ERVK3-1: variants seen among roughly 807,000 people sequenced by gnomAD.
The protein encoded by ERVK3-1 is endogenous retrovirus group K3 member 1.
Position 58,310,117 on chromosome 19 carries a change from A to G in ERVK3-1, c.-3-2049A>G, listed in dbSNP as rs1174872901. The G allele has an allele frequency of 1.3e-5, 2 of 152,218 alleles. No homozygotes were observed. Among genetic ancestry groups the G allele is most frequent in the Admixed American group, 1.3e-4 (2 of 15,278 alleles). The allele number at this position is 152,218 out of a possible 1,614,324, so 9.4% of individuals were successfully genotyped here. ...ATATACTTAAATAATAAAGACCCCT[A>G]GAGTTTCAGCTCAACACTCTGAATT... On this transcript the variant is annotated intron_variant, in intron 2 of 3. Coordinates refer to ENST00000413518, the Ensembl canonical transcript of ERVK3-1. The surrounding 1 kb of genome is among the most constrained non-coding windows in gnomAD (Gnocchi z 4.7).
rs1435599794 is a variant in ERVK3-1 at position 58,312,595 on chromosome 19, CT to C, written c.294+134del. On this transcript the variant is annotated intron_variant, in intron 3 of 3. Coordinates refer to ENST00000413518, the Ensembl canonical transcript of ERVK3-1. This position sits in a 1 kb window ranked among gnomAD's most constrained non-coding sequence, Gnocchi z 4.7. ...TCAGGGAGCGTGGGCACCAGGACCC[CT>C]AACTCCGTCTGACACAGAGCAATAG... 2.5e-5 allele frequency: 10 copies of C among 398,244 alleles called. No homozygotes were observed. Among genetic ancestry groups the C allele is most frequent in the African/African-American group, 1.6e-4 (8 of 48,592 alleles). 24.7% of individuals were successfully genotyped at this position (398,244 alleles called of 1,614,324 possible).
intron 1 of ERVK3-1, 138 bp from the exon 2 acceptor site, chr19:58,305,950 C>G (rs2051520226): frequency 6.6e-6 from 1 of 152,206 alleles, no homozygotes; most frequent in East Asian, 1.9e-4. Context: ...CCTATTCAGT[C>G]TACCTAACAA....
At chr19:58,316,411 T>A (rs1225416354), downstream of ERVK3-1, among the ~76,000 whole-genome samples, 1 of 152,178 alleles carries the variant, frequency 6.6e-6, no homozygotes, top group Non-Finnish European at 1.5e-5. Context: ...GCGCAGTGGC[T>A]CATGCCTGTA....
chr19:58,305,561 A>G (rs534176634), intron 1 of ERVK3-1, 116 bp downstream of exon 1: 1 of 151,510 alleles, frequency 6.6e-6, no homozygotes, highest in South Asian at 2.1e-4. Context: ...TGTGAGGGGA[A>G]CGCGACCCCG....
intron 3 of ERVK3-1, among the ~76,000 whole-genome samples, chr19:58,314,281 A>G (rs184030038): frequency 5.3e-5 from 8 of 152,306 alleles, no homozygotes; most frequent in African/African-American, 1.9e-4. Context: ...AGCAAACTCA[A>G]AAATAACAGC....
chr19:58,314,935 T>C, exon 4 of ERVK3-1: 5 of 393,474 alleles, frequency 1.3e-5, no homozygotes, highest in Non-Finnish European at 2.2e-5. Context: ...AAGCAGGATG[T>C]TGGCGAACTG....
intron 2 of ERVK3-1, chr19:58,309,067 C>T (rs181499166): frequency 6.6e-6 from 1 of 152,286 alleles, no homozygotes; most frequent in Admixed American, 6.5e-5. Context: ...CCTCAATTCG[C>T]CTTCTCTGTG....
intron 2 of ERVK3-1, chr19:58,306,572 T>C (rs555486118): frequency 6.6e-6 from 1 of 152,388 alleles, no homozygotes; most frequent in African/African-American, 2.4e-5. Context: ...CAGCAGGTGC[T>C]ATGTTCTGAA....
At position 58,314,731 on chromosome 19, in the gene ERVK3-1, T is replaced by C. The variant is rs760488589; in HGVS notation, c.295-17T>C. On this transcript the variant is annotated splice_polypyrimidine_tract_variant and intron_variant, in intron 3 of 3. Transcript: ENST00000413518. ...TACAAGAATAATGTTGTTATGTCTC[T>C]GTTTTTTTGCTCATAGTCTATAGGA... 5 of 399,948 alleles carry C rather than the reference T, an allele frequency of 1.3e-5. No homozygotes were observed. Among genetic ancestry groups the C allele is most frequent in the Non-Finnish European group, 1.8e-5 (4 of 226,028 alleles). 24.8% of individuals were successfully genotyped at this position (399,948 alleles called of 1,614,324 possible).
intron 2 of ERVK3-1, among the ~76,000 whole-genome samples, chr19:58,308,262 G>C (rs1046596841): frequency 6.6e-6 from 1 of 152,228 alleles, no homozygotes; most frequent in Admixed American, 6.5e-5. Flanking sequence ...CACCTGTGCA[G>C]TGCAAATTAA....
rs2147969897 is a variant in ERVK3-1 at position 58,310,303 on chromosome 19, GCGA to G, written c.-3-1859_-3-1857del. 1 of 154,608 alleles carries G rather than the reference GCGA, an allele frequency of 6.5e-6. No individual in the cohort carries two copies. Among genetic ancestry groups the G allele is most frequent in the Admixed American group, 6.5e-5 (1 of 15,362 alleles). 9.6% of individuals were successfully genotyped at this position (154,608 alleles called of 1,614,324 possible). ...GTCGGTGGGTCTCTCCCTGTGTGCGGCGACGAGAGAGTGTAGAAATAAAGACAC... is the reference window on the plus strand; with the variant it reads ...GTCGGTGGGTCTCTCCCTGTGTGCGGCGAGAGAGTGTAGAAATAAAGACAC... On this transcript the variant is annotated intron_variant, in intron 2 of 3. Transcript: ENST00000413518. This position sits in a 1 kb window ranked among gnomAD's most constrained non-coding sequence, Gnocchi z 4.7.
downstream of ERVK3-1, among the ~76,000 whole-genome samples, chr19:58,316,633 T>C (rs1395417160): frequency 6.6e-6 from 1 of 152,204 alleles, no homozygotes; most frequent in Non-Finnish European, 1.5e-5. Flanking sequence ...ATCGTGCCTT[T>C]GCACTCCAGC....
chr19:58,312,272 C>G lies in ERVK3-1; in HGVS notation c.104C>G (p.Ala35Gly), dbSNP rs2051561118. ...GTGGGCCTGTTACCTCCAGTACGAG[C>G]CATGAGCCAGCGGAATCTGAATGCA... Residue 35 changes from alanine (A) to glycine (G), a missense_variant, in exon 3 of 4, where the codon GCC becomes GGC. By Grantham distance (60) the Ala-to-Gly change is moderately conservative. Coordinates refer to ENST00000413518, the Ensembl canonical transcript of ERVK3-1. This position sits in a 1 kb window ranked among gnomAD's most constrained non-coding sequence, Gnocchi z 4.7. The G allele has an allele frequency of 2.0e-5, 8 of 400,052 alleles. No homozygotes were observed. The highest frequency in any genetic ancestry group is 1.8e-4 in the East Asian group (5 of 28,078). The allele number at this position is 400,052 out of a possible 1,614,324, so 24.8% of individuals were successfully genotyped here.
intron 1 of ERVK3-1, among the ~76,000 whole-genome samples, 163 bp downstream of exon 1, chr19:58,305,608 GCGC>G: frequency 1.3e-5 from 2 of 152,144 alleles, no homozygotes; most frequent in Admixed American, 6.5e-5. Context: ...GTGCGTGAGG[GCGC>G]GACCTGCCAT....
chr19:58,305,566 AC>A, intron 1 of ERVK3-1, 121 bp downstream of exon 1: 1 of 150,634 alleles, frequency 6.6e-6, no homozygotes, highest in Non-Finnish European at 1.5e-5. Context: ...GGGGAACGCG[AC>A]CCCGGGTCGG....
rs2051553560 is a variant in ERVK3-1 at position 58,310,983 on chromosome 19, C to G, written c.-3-1183C>G. Reference sequence around the variant, plus strand: ...CTGGGCATAACAGAAGGCTCGCACTCTTGTCTTCTGGTCACACCTCACTAT... The same window carrying G: ...CTGGGCATAACAGAAGGCTCGCACTGTTGTCTTCTGGTCACACCTCACTAT... On this transcript the variant is annotated intron_variant, in intron 2 of 3. Coordinates refer to ENST00000413518, the Ensembl canonical transcript of ERVK3-1. This position sits in a 1 kb window ranked among gnomAD's most constrained non-coding sequence, Gnocchi z 4.7. 4.8e-6 allele frequency: 1 copy of G among 207,526 alleles called. No individual in the cohort carries two copies. Among genetic ancestry groups the G allele is most frequent in the South Asian group, 5.7e-5 (1 of 17,532 alleles). The allele number at this position is 207,526 out of a possible 1,614,324, so 12.9% of individuals were successfully genotyped here.
At position 58,307,615 on chromosome 19, in the gene ERVK3-1, C is replaced by T. The variant is rs777656121; in HGVS notation, c.-4+1399C>T. Among the ~76,000 whole-genome samples, 28 of 149,276 alleles carry T rather than the reference C, an allele frequency of 1.9e-4. 1 individual carries two copies. Among genetic ancestry groups the T allele is most frequent in the South Asian group, 8.3e-4 (4 of 4,802 alleles). On this transcript the variant is annotated intron_variant, in intron 2 of 3. Coordinates refer to ENST00000413518, the Ensembl canonical transcript of ERVK3-1. Reference sequence around the variant, plus strand: ...TCTTACAATGCAATACCGCCCCCCCCTCCCCGCCCCGCTCCCCCCAACACA... The same window carrying T: ...TCTTACAATGCAATACCGCCCCCCCTTCCCCGCCCCGCTCCCCCCAACACA...
chr19:58,309,578 GA>G (rs1414304485), intron 2 of ERVK3-1: 6 of 152,232 alleles, frequency 3.9e-5, no homozygotes, highest in African/African-American at 1.4e-4. Flanking sequence ...GGCAGAAGCT[GA>G]ATTACAGCTT....
intron 2 of ERVK3-1, chr19:58,309,428 A>G (rs917349448): frequency 6.6e-6 from 1 of 152,242 alleles, no homozygotes; most frequent in Non-Finnish European, 1.5e-5. Flanking sequence ...TCGTAAGAAC[A>G]AATTACAAAC....
Sources: gnomAD v4.1 joint callset for allele counts (sites outside exome capture counted in the v4.1 genomes callset) on GRCh38, gnomAD v4.1.1 for gene constraint, Gnocchi (gnomAD v3.1) non-coding constraint, MANE v1.5 for transcripts, NCBI Gene and HGNC (gene_info 2026-07-23, HGNC 2026-07-21) for gene names.